CDC42BPA: variants seen among roughly 807,000 people sequenced by gnomAD.
CDC42BPA encodes the protein serine/threonine-protein kinase MRCK alpha.
CDC42BPA carries 80 observed loss-of-function variants against 223.5 expected under a neutral mutation model. That is an observed-to-expected ratio of 0.36 (90% confidence interval 0.30 to 0.43). The LOEUF is 0.43. Among genes scored for constraint, CDC42BPA ranks in the 20% least tolerant of loss-of-function variants. The pLI, the probability that CDC42BPA is intolerant of heterozygous loss-of-function variation, is 1.00. For missense variants in CDC42BPA, 1,743 were observed against 2,099.9 expected, an observed-to-expected ratio of 0.83 and a Z score of 3.32; for synonymous variants, 694 against 718.6, an observed-to-expected ratio of 0.97 and a Z score of 0.55.
At chr1:227,241,855 C>CAT (rs1680077250) in intron 2 of CDC42BPA, among the ~76,000 whole-genome samples, 1 of 152,124 alleles carries the variant, frequency 6.6e-6, no homozygotes, top group Non-Finnish European at 1.5e-5. Context: ...GCTCCTTGTT[C>CAT]ATATGGCTTC....
intron 5 of CDC42BPA, 34 bp from the exon 6 acceptor site, chr1:227,160,670 A>T: frequency 8.8e-7 from 1 of 1,141,610 alleles, no homozygotes; most frequent in East Asian, 2.4e-5. Context: ...TTTTAGTGGA[A>T]AAATAAACAA....
intron 14 of CDC42BPA, among the ~76,000 whole-genome samples, chr1:227,101,808 G>A (rs1053064048): frequency 1.3e-5 from 2 of 152,016 alleles, no homozygotes; most frequent in Non-Finnish European, 2.9e-5. Context: ...TTCACTTTTA[G>A]GTATGATTAA....
chr1:227,082,378 G>C (rs1158452719), intron 16 of CDC42BPA, among the ~76,000 whole-genome samples: 1 of 151,778 alleles, frequency 6.6e-6, no homozygotes, highest in African/African-American at 2.4e-5. Flanking sequence ...TTTATTTATA[G>C]GTTCCCCTGC....
chr1:227,033,201 G>A, intron 27 of CDC42BPA, 133 bp downstream of exon 27: 1 of 576,408 alleles, frequency 1.7e-6, no homozygotes, highest in Non-Finnish European at 3.1e-6. Flanking sequence ...TTCAAGTACT[G>A]GATGATATGG....
intron 2 of CDC42BPA, among the ~76,000 whole-genome samples, chr1:227,224,096 T>C (rs1159199279): frequency 6.6e-6 from 1 of 152,216 alleles, no homozygotes; most frequent in African/African-American, 2.4e-5. Context: ...TCTGCTTTTT[T>C]GTATTTTGTT....
chr1:227,021,008 C>G (rs1667268316), intron 32 of CDC42BPA, among the ~76,000 whole-genome samples: 1 of 152,108 alleles, frequency 6.6e-6, no homozygotes. Flanking sequence ...GGAACAGCTG[C>G]TTGGTGGAAC....
intron 35 of CDC42BPA, among the ~76,000 whole-genome samples, chr1:226,995,691 C>T (rs546842830): frequency 6.6e-6 from 1 of 152,156 alleles, no homozygotes; most frequent in Non-Finnish European, 1.5e-5. Flanking sequence ...AACAGTGGAC[C>T]AGCAGCATTC....
intron 4 of CDC42BPA, among the ~76,000 whole-genome samples, chr1:227,196,822 T>G (rs1006668443): frequency 2.6e-5 from 4 of 152,070 alleles, no homozygotes; most frequent in Non-Finnish European, 4.4e-5. Context: ...TCCTCAACCA[T>G]AAAGTAACTA....
At chr1:227,013,821 A>G (rs977502501) in intron 34 of CDC42BPA, among the ~76,000 whole-genome samples, 1 of 152,140 alleles carries the variant, frequency 6.6e-6, no homozygotes, top group African/African-American at 2.4e-5. Context: ...TGCAACTTAC[A>G]TATTTGAAAT....
chr1:227,149,001 T>C (rs1356093649), intron 6 of CDC42BPA, among the ~76,000 whole-genome samples: 1 of 150,458 alleles, frequency 6.6e-6, no homozygotes, highest in Non-Finnish European at 1.5e-5. Context: ...CTTATGCTTA[T>C]ATGAGGTAAG....
intron 2 of CDC42BPA, among the ~76,000 whole-genome samples, chr1:227,253,188 A>T (rs1256298957): frequency 6.6e-6 from 1 of 152,076 alleles, no homozygotes; most frequent in Non-Finnish European, 1.5e-5. Flanking sequence ...AAAAAGAGAG[A>T]GAGAGAGGAG....
At chr1:227,102,423 T>C (rs543338326) in intron 14 of CDC42BPA, among the ~76,000 whole-genome samples, 2 of 152,298 alleles carry the variant, frequency 1.3e-5, no homozygotes, top group African/African-American at 4.8e-5. Context: ...CTCTGAAGCA[T>C]CGCTATGAAA....
At chr1:227,193,137 C>A (rs1023153570) in intron 5 of CDC42BPA, among the ~76,000 whole-genome samples, 1 of 141,650 alleles carries the variant, frequency 7.1e-6, no homozygotes, top group African/African-American at 2.7e-5. Context: ...GGCGGGATCT[C>A]GGCTCACTGC....
intron 35 of CDC42BPA, among the ~76,000 whole-genome samples, chr1:226,996,675 T>C (rs1661683857): frequency 6.6e-6 from 1 of 152,248 alleles, no homozygotes; most frequent in Non-Finnish European, 1.5e-5. Context: ...TATAAAGGTG[T>C]TGAATTTTAT....
At chr1:227,010,834 A>G in intron 34 of CDC42BPA, 1 of 1,205,766 alleles carries the variant, frequency 8.3e-7, no homozygotes. Context: ...AAGGAAATCC[A>G]TACATGGTTA....
intron 3 of CDC42BPA, among the ~76,000 whole-genome samples, chr1:227,211,827 T>C (rs78060777): frequency 0.06 from 9,123 of 152,200 alleles, 277 homozygotes; most frequent in Non-Finnish European, 0.072. Flanking sequence ...TGTTCACTAT[T>C]TGGGTGATGG....
Position 227,283,894 on chromosome 1 carries a change from G to A in CDC42BPA, c.179-29739C>T, listed in dbSNP as rs140526811. ...GAGATGGGATTTTGCCATGTTGGCCGGGATTTTGCCCAAATTAGCTGGGCA... is the reference window on the plus strand; with the variant it reads ...GAGATGGGATTTTGCCATGTTGGCCAGGATTTTGCCCAAATTAGCTGGGCA... On this transcript the variant is annotated intron_variant, in intron 1 of 36. Coordinates refer to ENST00000366766, the MANE Select transcript of CDC42BPA (RefSeq NM_001394014.1). 3.0e-3 allele frequency among the ~76,000 whole-genome samples: 458 copies of A among 152,126 alleles called. 1 individual carries two copies. Among genetic ancestry groups the A allele is most frequent in the African/African-American group, 0.01 (431 of 41,512 alleles).
intron 5 of CDC42BPA, among the ~76,000 whole-genome samples, chr1:227,179,635 C>CAAAAAAAAA (rs59744442): frequency 0.033 from 1,146 of 34,224 alleles, 308 homozygotes; most frequent in Non-Finnish European, 0.045. Context: ...GCCTCCATCT[C>CAAAAAAAAA]AAAAAAAAAA....
intron 24 of CDC42BPA, 74 bp from the exon 25 acceptor site, chr1:227,035,681 T>G: frequency 9.7e-7 from 1 of 1,029,892 alleles, no homozygotes; most frequent in Non-Finnish European, 1.4e-6. Flanking sequence ...ACTCACTGCA[T>G]ACAAGATGCT....
Sources: allele counts gnomAD v4.1 joint callset (sites outside exome capture counted in the v4.1 genomes callset), GRCh38; gene constraint gnomAD v4.1.1; transcripts MANE v1.5; gene names NCBI Gene and HGNC (gene_info 2026-07-23, HGNC 2026-07-21).